Variants in CRTC2 observed in about 807,000 individuals in gnomAD.
CRTC2 encodes the protein CREB regulated transcription coactivator 2.
A neutral mutation model predicts 70.9 loss-of-function variants in CRTC2; 25 were observed. That is an observed-to-expected ratio of 0.35 (90% CI 0.26 to 0.49). CRTC2 has a LOEUF of 0.49. Ranked by LOEUF, CRTC2 falls within the 20% of genes least tolerant of loss-of-function variation. The pLI is 0.98. For synonymous variants in CRTC2, 330 were observed against 364.1 expected, an observed-to-expected ratio of 0.91 and a Z score of 1.07; for missense variants, 737 against 882.6, an observed-to-expected ratio of 0.83 and a Z score of 2.09.
In CRTC2 at chr1:153,947,681, A is replaced by G. The variant is rs1680084516; in HGVS notation, c.*428T>C. On this transcript the variant is annotated 3_prime_UTR_variant, in exon 14 of 14. Coordinates refer to ENST00000368633, the MANE Select transcript of CRTC2 (RefSeq NM_181715.3). ...TAACTAACCACACCAAGGGTTTGAT[A>G]TGATTTTTTTATTAACATATAATAA... 6.5e-6 allele frequency: 1 copy of G among 153,100 alleles called. No homozygotes were observed. The highest frequency in any genetic ancestry group is 2.4e-5 in the African/African-American group (1 of 41,428). The allele number at this position is 153,100 out of a possible 1,614,324, so 9.5% of individuals were successfully genotyped here.
At chr1:153,951,983 C>A in intron 10 of CRTC2, 35 bp downstream of exon 10, 1 of 1,596,350 alleles carries the variant, frequency 6.3e-7, no homozygotes, top group Non-Finnish European at 8.5e-7. Context: ...AGTCAGGCAG[C>A]ACCCAGTGGG....
Position 153,958,482 on chromosome 1 carries a change from C to T in CRTC2, c.16G>A (p.Ala6Thr). The T allele has an allele frequency of 6.2e-7, 1 of 1,609,790 alleles. No individual in the cohort carries two copies. The change falls in exon 1 of 14, where the codon GCG (alanine) becomes ACG (threonine). Residue 6 changes from alanine to threonine, a missense_variant. Ala to Thr is a moderately conservative substitution (Grantham distance 58, BLOSUM62 0). Around this residue, in one of 3 missense-constraint regions of CRTC2, gnomAD observed 29 missense variants for 25.5 expected, o/e 1.14. Transcript: ENST00000368633. ...GCCGTGGCCGAACCAGGCCCGTTCG[C>T]CCCCGACGTCGCCATCTTCCTTCCC... MATSG[A>T]NGPGSATASA...
chr1:153,957,517 T>C (rs1279150664), intron 1 of CRTC2, among the ~76,000 whole-genome samples: 2 of 152,080 alleles, frequency 1.3e-5, no homozygotes, highest in Non-Finnish European at 2.9e-5. Flanking sequence ...CCAGGGGGGC[T>C]TCAGAGGCAG....
chr1:153,951,217 AAGGGAAGGGAGACAGACATGC>A (rs776784349), intron 11 of CRTC2, 22 bp downstream of exon 11: 1 of 1,601,148 alleles, frequency 6.2e-7, no homozygotes, highest in Non-Finnish European at 8.5e-7. Flanking sequence ...GGCAGGAGAA[AAGGGAAGGGAGACAGACATGC>A]AGGGAAGGCA....
intron 11 of CRTC2, among the ~76,000 whole-genome samples, chr1:153,950,922 G>A (rs1680281993): frequency 6.6e-6 from 1 of 152,216 alleles, no homozygotes. Context: ...GTGGTGCTAA[G>A]TATTTTATGT....
intron 4 of CRTC2, among the ~76,000 whole-genome samples, 183 bp from the exon 5 acceptor site, chr1:153,953,789 G>C (rs12747834): frequency 6.6e-6 from 1 of 152,154 alleles, no homozygotes; most frequent in African/African-American, 2.4e-5. Flanking sequence ...CAATCTAAGA[G>C]AGCTGGAAAC....
rs1387240790 is a variant in CRTC2 at position 153,955,264 on chromosome 1, G to T, written c.154-98C>A. The T allele has an allele frequency of 4.5e-6, 4 of 895,242 alleles. No homozygotes were observed. The Admixed American group carries it at 8.2e-5, about 18-fold the overall frequency. The allele number at this position is 895,242 out of a possible 1,614,324, so 55.5% of individuals were successfully genotyped here. A position where few individuals can be genotyped will look rare whatever the true frequency, so the allele number is the denominator to read the frequency against. On this transcript the variant is annotated intron_variant, in intron 1 of 13. Coordinates refer to ENST00000368633, the MANE Select transcript of CRTC2 (RefSeq NM_181715.3). ...TCTGTCACCAGGATATGCTGCTGCC[G>T]CCACTGCTTTTAAAATATCTAGGCC...
chr1:153,957,724 C>A (rs2102125957), intron 1 of CRTC2, among the ~76,000 whole-genome samples: 1 of 152,304 alleles, frequency 6.6e-6, no homozygotes, highest in South Asian at 2.1e-4. Flanking sequence ...TACCTCTCCT[C>A]CAAGGAGGCC....
rs1242820631 is a variant in CRTC2, at chr1:153,954,287, G to A, written c.402C>T (p.Tyr134=). Residue 134 remains tyrosine (Y), a synonymous_variant, in exon 4 of 14, where the codon TAC becomes TAT. Coordinates refer to ENST00000368633, the MANE Select transcript of CRTC2 (RefSeq NM_181715.3). ...AGCTAGACTCTGGGGGAGGAGATAAGTAGGCAGGACTATAGGGAGAGCTGT... is the reference window on the plus strand; with the variant it reads ...AGCTAGACTCTGGGGGAGGAGATAAATAGGCAGGACTATAGGGAGAGCTGT... ...HIDSSPYSPA[Y]LSPPPESSWR... 4 of 1,612,800 alleles carry A rather than the reference G, an allele frequency of 2.5e-6. No individual in the cohort carries two copies. Among genetic ancestry groups the A allele is most frequent in the Non-Finnish European group, 3.4e-6 (4 of 1,179,392 alleles).
rs572036888 is a variant in CRTC2 at position 153,953,976 on chromosome 1, T to C, written c.434+279A>G. On this transcript the variant is annotated intron_variant, in intron 4 of 13. Transcript: ENST00000368633. ...CCATTTTCACCTGCCCCTCTGCCAT[T>C]CTCCCCTCCCCCTTACACACACACC... is the stretch of plus-strand genomic sequence containing the variant. Among the ~76,000 whole-genome samples the C allele has an allele frequency of 3.3e-5, 5 of 152,242 alleles. No homozygotes were observed. The South Asian group carries it at 8.3e-4, about 25-fold the overall frequency.
intron 1 of CRTC2, 74 bp downstream of exon 1, chr1:153,958,271 C>T (rs1465933400): frequency 6.5e-7 from 1 of 1,539,412 alleles, no homozygotes; most frequent in Non-Finnish European, 8.7e-7. Context: ...GCGGCGCCCG[C>T]CCCCGCCCCG....
chr1:153,954,447 C>T, intron 3 of CRTC2, 131 bp from the exon 4 acceptor site: 1 of 693,740 alleles, frequency 1.4e-6, no homozygotes. Flanking sequence ...TAAGGGACAA[C>T]AATAGGATCA....
Position 153,955,004 on chromosome 1 carries a change from A to C in CRTC2, c.256-15T>G, listed in dbSNP as rs1680550313. 3.1e-6 allele frequency: 5 copies of C among 1,613,174 alleles called. No homozygotes were observed. Among genetic ancestry groups the C allele is most frequent in the Non-Finnish European group, 4.2e-6 (5 of 1,179,140 alleles). ...TGGAGGGGGCTCTGCCAAAAAGGAC[A>C]GAAGTCAGCAGAGGAAGCAGCCTAA... On this transcript the variant is annotated splice_polypyrimidine_tract_variant and intron_variant, in intron 2 of 13. Transcript: ENST00000368633.
chr1:153,952,389 G>T lies in CRTC2; in HGVS notation c.752+8C>A. On this transcript the variant is annotated splice_region_variant and intron_variant, in intron 9 of 13. Transcript: ENST00000368633. The stretch of plus-strand genomic sequence containing the variant: ...CCCACCTCTCAGCCAACCTCAGGGA[G>T]TACTTACTTAATTCCAGGGACTTCA... The T allele has an allele frequency of 6.2e-7, 1 of 1,614,092 alleles. No individual in the cohort carries two copies. The highest frequency in any genetic ancestry group is 2.2e-5 in the East Asian group (1 of 44,892).
chr1:153,957,084 T>C (rs1680655505), intron 1 of CRTC2, among the ~76,000 whole-genome samples: 1 of 152,126 alleles, frequency 6.6e-6, no homozygotes, highest in African/African-American at 2.4e-5. Context: ...TACAGTGGGT[T>C]ATGCACACAC....
In CRTC2 at chr1:153,955,342, C is replaced by T. The variant is rs147649066; in HGVS notation, c.154-176G>A. 3.2e-3 allele frequency among the ~76,000 whole-genome samples: 492 copies of T among 151,862 alleles called. 5 individuals are homozygous for T. The highest frequency in any genetic ancestry group is 0.011 in the African/African-American group (472 of 41,380). On this transcript the variant is annotated intron_variant, in intron 1 of 13. Coordinates refer to ENST00000368633, the MANE Select transcript of CRTC2 (RefSeq NM_181715.3). ...CAGCACTTTGGGAGGCCGAGGCAGGCGGATCACAAGGTCAGGAGATCGACA... is the reference window on the plus strand; with the variant it reads ...CAGCACTTTGGGAGGCCGAGGCAGGTGGATCACAAGGTCAGGAGATCGACA...
intron 1 of CRTC2, among the ~76,000 whole-genome samples, chr1:153,955,985 C>T (rs1680597989): frequency 6.6e-6 from 1 of 152,194 alleles, no homozygotes; most frequent in African/African-American, 2.4e-5. Context: ...TTTCCAGATG[C>T]GTCCAGGACT....
At chr1:153,956,036 G>A (rs143665633) in intron 1 of CRTC2, among the ~76,000 whole-genome samples, 1 of 152,326 alleles carries the variant, frequency 6.6e-6, no homozygotes, top group Non-Finnish European at 1.5e-5. Context: ...GGATGTCACA[G>A]AGCCATTACT....
In CRTC2 at chr1:153,952,528, T is replaced by C. The variant is rs181685527; in HGVS notation, c.702+43A>G. On this transcript the variant is annotated intron_variant, in intron 8 of 13. Transcript: ENST00000368633. ...GAAGGCCTGCCCCATGGCAAGGGGATAGCAGAGAGACTAGTGGGTGACACC... is the reference window on the plus strand; with the variant it reads ...GAAGGCCTGCCCCATGGCAAGGGGACAGCAGAGAGACTAGTGGGTGACACC... 1.1e-5 allele frequency: 18 copies of C among 1,612,348 alleles called. No homozygotes were observed. The African/African-American group carries it at 1.2e-4, about 11-fold the overall frequency.
Sources: gnomAD v4.1 joint callset for allele counts (sites outside exome capture counted in the v4.1 genomes callset) on GRCh38, gnomAD v4.1.1 for gene constraint, gnomAD v4.1.1 regional missense constraint, MANE v1.5 for transcripts, NCBI Gene and HGNC (gene_info 2026-07-23, HGNC 2026-07-21) for gene names.